The following RPS6KA6 variants were observed in gnomAD, a reference collection of about 807,000 sequenced individuals.
The protein encoded by RPS6KA6 is ribosomal protein S6 kinase alpha-6.
Under a neutral mutation model 65.4 loss-of-function variants are expected in RPS6KA6, and 27 were observed. The observed-to-expected ratio is 0.41, with a 90% CI of 0.30 to 0.57. The LOEUF (loss-of-function observed/expected upper bound fraction) is 0.57. Among genes scored for constraint, RPS6KA6 ranks in the 20% least tolerant of loss-of-function variants. The pLI is 0.24. For synonymous variants in RPS6KA6, 190 were observed against 184.2 expected (o/e 1.03, Z -0.26); for missense variants, 486 against 555.6 (o/e 0.87, Z 1.26).
At chrX:84,101,662 T>C (rs2034261712) in intron 18 of RPS6KA6, among the ~76,000 whole-genome samples, 1 of 110,662 alleles carries the variant, frequency 9.0e-6, no homozygotes, top group Non-Finnish European at 1.9e-5. Flanking sequence ...AGCTTTGTTA[T>C]TAAGTGAATG....
chrX:84,099,194 A>G (rs1172630657), intron 18 of RPS6KA6, among the ~76,000 whole-genome samples: 2 of 111,239 alleles, frequency 1.8e-5, no homozygotes, highest in Non-Finnish European at 1.9e-5. Context: ...CTTCCTAGTT[A>G]TGAGGACAGA....
chrX:84,154,004 A>G (rs1289267826), intron 3 of RPS6KA6, among the ~76,000 whole-genome samples: 1 of 111,948 alleles, frequency 8.9e-6, no homozygotes, highest in East Asian at 2.8e-4. Context: ...TATATTTAAC[A>G]TGATGTTATT....
chrX:84,067,532 G>A (rs2033431723), intron 20 of RPS6KA6, among the ~76,000 whole-genome samples: 2 of 111,841 alleles, frequency 1.8e-5, no homozygotes, highest in Admixed American at 9.5e-5. Context: ...ATCAGAGATT[G>A]AAGATCAAAT....
rs146789731 is a variant in RPS6KA6, at chrX:84,064,296, C to T, written c.2219G>A (p.Arg740Gln). ...SLAQRRSMKKRTSTGL is the reference protein window; with the variant it reads ...SLAQRRSMKKQTSTGL The stretch of plus-strand genomic sequence containing the variant: ...CAAATCTTACAGGCCAGTTGATGTT[C>T]GCTTTTTCATGCTCCGTCGCTGGGC... Residue 740 changes from arginine to glutamine, a missense_variant, in exon 22 of 22, where the codon CGA becomes CAA. Around this residue, in one of 3 missense-constraint regions of RPS6KA6, gnomAD observed 345 missense variants for 375.0 expected, o/e 0.92. Coordinates refer to ENST00000262752, the MANE Select transcript of RPS6KA6 (RefSeq NM_014496.5). 3.8e-4 allele frequency: 461 copies of T among 1,206,379 alleles called. 2 individuals are homozygous for T. The African/African-American group carries it at 6.7e-3, about 18-fold the overall frequency.
At chrX:84,175,524 T>C (rs1365057916) in intron 1 of RPS6KA6, among the ~76,000 whole-genome samples, 2 of 111,432 alleles carry the variant, frequency 1.8e-5, no homozygotes, top group Non-Finnish European at 3.8e-5. Context: ...AGGGGAGCTA[T>C]GCAAAGCAAG....
chrX:84,112,023 G>A (rs957044256), intron 12 of RPS6KA6, among the ~76,000 whole-genome samples: 3 of 111,564 alleles, frequency 2.7e-5, no homozygotes, highest in African/African-American at 6.5e-5. Context: ...CAACAAAGCC[G>A]AAGTAGCCAT....
rs761509373 is a variant in RPS6KA6 at position 84,123,386 on chromosome X, T to A, written c.647-3359A>T. Among the ~76,000 whole-genome samples the A allele has an allele frequency of 2.7e-5, 3 of 112,482 alleles. No individual in the cohort carries two copies. The East Asian group carries it at 8.5e-4, about 32-fold the overall frequency. On this transcript the variant is annotated intron_variant, in intron 8 of 21. Coordinates refer to ENST00000262752, the MANE Select transcript of RPS6KA6 (RefSeq NM_014496.5). ...TAGGCCAATAAGCAGGCTCTTGAGG[T>A]CTCTTGAGTCTGAGCCTAGGCTCTT...
Position 84,134,753 on chromosome X carries a change from C to G in RPS6KA6, c.646+29G>C, listed in dbSNP as rs1325973882. ...ATAATAAAAAATATGAATCAAGTGGCTAAGGGTATAATAAGAAAATCTGCA... is the reference window on the plus strand; with the variant it reads ...ATAATAAAAAATATGAATCAAGTGGGTAAGGGTATAATAAGAAAATCTGCA... On this transcript the variant is annotated intron_variant, in intron 8 of 21. Transcript: ENST00000262752. 3 of 990,020 alleles carry G rather than the reference C, an allele frequency of 3.0e-6. No individual in the cohort carries two copies. In the African/African-American group the frequency reaches 5.9e-5, roughly 20 times the overall value. The allele number at this position is 990,020 out of a possible 1,213,427, so 81.6% of individuals were successfully genotyped here.
At chrX:84,105,333 TTAA>T (rs1412655529) in intron 16 of RPS6KA6, among the ~76,000 whole-genome samples, 2 of 111,414 alleles carry the variant, frequency 1.8e-5, no homozygotes, top group Non-Finnish European at 3.8e-5. Flanking sequence ...CAGTAACATA[TTAA>T]TGAGTTATAC....
chrX:84,095,388 A>T (rs904422276), intron 20 of RPS6KA6, among the ~76,000 whole-genome samples: 33 of 111,934 alleles, frequency 2.9e-4, no homozygotes, highest in African/African-American at 9.7e-4. Flanking sequence ...TAAAAATTAT[A>T]AATGTAAGAA....
intron 3 of RPS6KA6, among the ~76,000 whole-genome samples, chrX:84,150,830 GAGAGGATATATATAGGATATATATATAT>G (rs1299900810): frequency 1.7e-4 from 16 of 93,737 alleles, no homozygotes; most frequent in African/African-American, 4.9e-4. Context: ...TATATATATA[GAGAGGATATATATAGGATATATATATAT>G]AGAGGATATA....
At chrX:84,066,769 TCTG>T (rs1347214588) in intron 20 of RPS6KA6, among the ~76,000 whole-genome samples, 4 of 111,820 alleles carry the variant, frequency 3.6e-5, no homozygotes, top group African/African-American at 1.3e-4. Flanking sequence ...GTGCTCTAGC[TCTG>T]CTAAGGGACA....
In RPS6KA6 at chrX:84,117,423, TG is replaced by T; in HGVS notation, c.820del (p.Gln274LysfsTer9). On this transcript the variant is annotated frameshift_variant, in exon 10 of 22. Transcript: ENST00000262752. LOFTEE classifies it high-confidence loss of function. ...FEMLTGTLPF[Q>X]GKDRNETMNM... ...CATGGTCTCATTTCTGTCTTTACCT[TG>T]AAATGGCAGAGTACCAGTAAGCATT... 8.6e-7 allele frequency: 1 copy of T among 1,167,754 alleles called. No individual in the cohort carries two copies. Among genetic ancestry groups the T allele is most frequent in the Non-Finnish European group, 1.2e-6 (1 of 866,594 alleles).
At chrX:84,172,565 T>C (rs995782205) in intron 1 of RPS6KA6, among the ~76,000 whole-genome samples, 14 of 111,895 alleles carry the variant, frequency 1.3e-4, no homozygotes, top group African/African-American at 4.6e-4. Context: ...AGCAATTCCT[T>C]AAAAATTTAA....
chrX:84,177,300 G>A (rs1602490591), intron 1 of RPS6KA6, among the ~76,000 whole-genome samples: 2 of 110,865 alleles, frequency 1.8e-5, no homozygotes, highest in South Asian at 7.5e-4. Flanking sequence ...TTGCAGATGT[G>A]ATATATTTAA....
At chrX:84,075,039 C>G (rs1363659496) in intron 20 of RPS6KA6, among the ~76,000 whole-genome samples, 4 of 111,439 alleles carry the variant, frequency 3.6e-5, no homozygotes, top group African/African-American at 1.3e-4. Flanking sequence ...TCGAGACCAG[C>G]CTGGCCAACA....
At chrX:84,082,611 G>A (rs2033824883) in intron 20 of RPS6KA6, among the ~76,000 whole-genome samples, 1 of 111,377 alleles carries the variant, frequency 9.0e-6, no homozygotes, top group Admixed American at 9.6e-5. Context: ...AATTGCATAT[G>A]GAAGCAAAAA....
intron 1 of RPS6KA6, among the ~76,000 whole-genome samples, chrX:84,172,521 C>T (rs1378608129): frequency 9.0e-6 from 1 of 111,716 alleles, no homozygotes; most frequent in African/African-American, 3.3e-5. Context: ...TTGGTGACAA[C>T]GTAAAATGGT....
chrX:84,084,662 T>A (rs2147369093), intron 20 of RPS6KA6, among the ~76,000 whole-genome samples: 1 of 112,482 alleles, frequency 8.9e-6, no homozygotes, highest in Admixed American at 9.4e-5. Flanking sequence ...AGCTTTGTAC[T>A]TTTTGCTTAG....
Sources: allele counts gnomAD v4.1 joint callset (sites outside exome capture counted in the v4.1 genomes callset), GRCh38; gene constraint gnomAD v4.1.1; regional missense constraint gnomAD v4.1.1; transcripts MANE v1.5; gene names NCBI Gene and HGNC (gene_info 2026-07-23, HGNC 2026-07-21).